CHRM3: variants seen among roughly 807,000 people sequenced by gnomAD.
CHRM3 encodes cholinergic receptor muscarinic 3, also known as muscarinic acetylcholine receptor M3.
CHRM3 carries 11 observed loss-of-function variants against 41.8 expected under a neutral mutation model. The observed-to-expected ratio is 0.26, with a 90% CI of 0.17 to 0.44. CHRM3 has a LOEUF of 0.44. Among genes scored for constraint, CHRM3 ranks in the 20% least tolerant of loss-of-function variants. The probability of loss-of-function intolerance (pLI) is 1.00; values close to 1 mark genes in which losing one functional copy is unlikely to be tolerated. For missense variants in CHRM3, 571 were observed against 745.4 expected, an observed-to-expected ratio of 0.77 and a Z score of 2.72; for synonymous variants, 297 against 301.4, an observed-to-expected ratio of 0.99 and a Z score of 0.15.
intron 1 of CHRM3, among the ~76,000 whole-genome samples, chr1:239,465,443 G>A (rs1389324338): frequency 2.0e-5 from 3 of 152,220 alleles, no homozygotes; most frequent in Admixed American, 2.0e-4. Context: ...ATGATAGGGT[G>A]AAGAGTTGAA....
chr1:239,840,724 T>G (rs745406602), intron 6 of CHRM3, among the ~76,000 whole-genome samples: 1 of 152,204 alleles, frequency 6.6e-6, no homozygotes, highest in Non-Finnish European at 1.5e-5. Context: ...GATATCTCAT[T>G]TTTTGCATTT....
intron 5 of CHRM3, among the ~76,000 whole-genome samples, chr1:239,711,377 A>T (rs1237076022): frequency 6.6e-6 from 1 of 151,530 alleles, no homozygotes; most frequent in Non-Finnish European, 1.5e-5. Context: ...CAGTGTCTGC[A>T]CTCCTCTTTC....
chr1:239,854,190 A>G (rs1276350146), intron 6 of CHRM3, among the ~76,000 whole-genome samples: 1 of 152,128 alleles, frequency 6.6e-6, no homozygotes, highest in Non-Finnish European at 1.5e-5. Flanking sequence ...AAACGAAGAG[A>G]CCATCAAGGA....
chr1:239,642,613 C>T (rs1002940350), intron 4 of CHRM3, among the ~76,000 whole-genome samples: 2 of 152,164 alleles, frequency 1.3e-5, no homozygotes, highest in African/African-American at 4.8e-5. Flanking sequence ...GCTTTCAGCT[C>T]CATCAGCTCC....
intron 5 of CHRM3, among the ~76,000 whole-genome samples, chr1:239,764,405 C>T (rs1667040540): frequency 1.3e-5 from 2 of 152,154 alleles, no homozygotes; most frequent in African/African-American, 4.8e-5. Flanking sequence ...ATAGAAGCTG[C>T]ATGGTGAGTG....
At chr1:239,815,575 G>C (rs1281891803) in intron 5 of CHRM3, among the ~76,000 whole-genome samples, 1 of 152,116 alleles carries the variant, frequency 6.6e-6, no homozygotes, top group Non-Finnish European at 1.5e-5. Context: ...CTTACATCTT[G>C]CAAAAAAGTA....
chr1:239,611,630 A>G (rs946762006), intron 3 of CHRM3, among the ~76,000 whole-genome samples: 5 of 152,022 alleles, frequency 3.3e-5, no homozygotes, highest in Admixed American at 1.3e-4. Flanking sequence ...CATGTTGGCC[A>G]GGATGGTCTT....
chr1:239,719,135 G>A (rs1662681260), intron 5 of CHRM3: 1 of 151,972 alleles, frequency 6.6e-6, no homozygotes, highest in Non-Finnish European at 1.5e-5. Context: ...CCTAGTTAGA[G>A]TCTGAGTGTC....
At chr1:239,629,933 T>C (rs939445489) in intron 3 of CHRM3, among the ~76,000 whole-genome samples, 1 of 152,182 alleles carries the variant, frequency 6.6e-6, no homozygotes, top group Non-Finnish European at 1.5e-5. Flanking sequence ...TTACTGGGTT[T>C]TGGAGAAGAC....
At chr1:239,684,688 AAG>A (rs1434907769) in intron 5 of CHRM3, among the ~76,000 whole-genome samples, 3 of 145,820 alleles carry the variant, frequency 2.1e-5, no homozygotes, top group Admixed American at 7.0e-5. Flanking sequence ...GGAAGGAAGG[AAG>A]GAGAGAGAGA....
chr1:239,691,301 C>G (rs1383886499), intron 5 of CHRM3, among the ~76,000 whole-genome samples: 2 of 151,986 alleles, frequency 1.3e-5, no homozygotes, highest in Non-Finnish European at 2.9e-5. Flanking sequence ...GAAGAACTTG[C>G]AATGGTTGGG....
At chr1:239,400,528 G>A (rs1044348079) in intron 1 of CHRM3, among the ~76,000 whole-genome samples, 10 of 151,988 alleles carry the variant, frequency 6.6e-5, no homozygotes, top group East Asian at 1.9e-4. Flanking sequence ...GTTCTTTGCC[G>A]AGACTAATGT....
chr1:239,608,554 G>A (rs770960448), intron 3 of CHRM3, among the ~76,000 whole-genome samples: 1 of 152,056 alleles, frequency 6.6e-6, no homozygotes, highest in Non-Finnish European at 1.5e-5. Flanking sequence ...AAGTGCCATA[G>A]CTACAATTGT....
chr1:239,862,536 A>G (rs1295245447), intron 6 of CHRM3, among the ~76,000 whole-genome samples: 1 of 152,190 alleles, frequency 6.6e-6, no homozygotes, highest in Non-Finnish European at 1.5e-5. Context: ...TGAAAAAAAA[A>G]GATTGAAATT....
chr1:239,891,732 G>A (rs1241994061), intron 6 of CHRM3, among the ~76,000 whole-genome samples: 1 of 152,164 alleles, frequency 6.6e-6, no homozygotes. Flanking sequence ...AAAGGGTGAA[G>A]CAGAGGACAC....
intron 1 of CHRM3, among the ~76,000 whole-genome samples, chr1:239,402,943 T>A (rs188027674): frequency 1.3e-5 from 2 of 152,322 alleles, no homozygotes; most frequent in African/African-American, 4.8e-5. Context: ...TTTTTGGAAC[T>A]TTGTGGATTT....
chr1:239,519,101 A>G (rs1328536358), intron 2 of CHRM3, among the ~76,000 whole-genome samples: 1 of 152,174 alleles, frequency 6.6e-6, no homozygotes, highest in Non-Finnish European at 1.5e-5. Flanking sequence ...AATAATTTAT[A>G]GTAAAATTGG....
At chr1:239,630,470 C>T (rs1284647622) in intron 3 of CHRM3, among the ~76,000 whole-genome samples, 1 of 152,228 alleles carries the variant, frequency 6.6e-6, no homozygotes, top group East Asian at 1.9e-4. Context: ...TGCCCTTTGA[C>T]CCATTAGATT....
chr1:239,813,264 T>C (rs1298366023), intron 5 of CHRM3, among the ~76,000 whole-genome samples: 1 of 151,924 alleles, frequency 6.6e-6, no homozygotes, highest in Non-Finnish European at 1.5e-5. Flanking sequence ...GGCAACAGAG[T>C]GAGACTCCGT....
Sources: allele counts gnomAD v4.1 joint callset (sites outside exome capture counted in the v4.1 genomes callset), GRCh38; gene constraint gnomAD v4.1.1; transcripts MANE v1.5; gene names NCBI Gene and HGNC (gene_info 2026-07-23, HGNC 2026-07-21).